The following SLC25A12 variants were observed in gnomAD, a reference collection of about 807,000 sequenced individuals.
The protein encoded by SLC25A12 is solute carrier family 25 member 12.
Under a neutral mutation model 83.3 loss-of-function variants are expected in SLC25A12, and 32 were observed. The ratio of observed to expected loss-of-function variants is 0.38; its 90% CI spans 0.29 to 0.52. SLC25A12 has a LOEUF of 0.52. Among genes scored for constraint, SLC25A12 ranks in the 20% least tolerant of loss-of-function variants. The pLI, the probability that SLC25A12 is intolerant of heterozygous loss-of-function variation, is 0.84. For synonymous variants in SLC25A12, 267 were observed against 291.1 expected, an observed-to-expected ratio of 0.92 and a Z score of 0.84; for missense variants, 611 against 835.6, an observed-to-expected ratio of 0.73 and a Z score of 3.31.
At chr2:171,791,919 A>T (rs923289226) in intron 14 of SLC25A12, among the ~76,000 whole-genome samples, 17 of 152,166 alleles carry the variant, frequency 1.1e-4, no homozygotes, top group African/African-American at 4.1e-4. Context: ...AAAATTAATT[A>T]ATCTCTTACT....
intron 4 of SLC25A12, chr2:171,852,647 G>T (rs1558931839): frequency 2.2e-6 from 1 of 454,372 alleles, no homozygotes; most frequent in Non-Finnish European, 4.4e-6. Flanking sequence ...TTATTAAGTG[G>T]TTACAAACAT....
At chr2:171,844,279 C>G (rs1684746222) in intron 5 of SLC25A12, 90 bp downstream of exon 5, 2 of 1,415,684 alleles carry the variant, frequency 1.4e-6, no homozygotes, top group Middle Eastern at 1.8e-4. Flanking sequence ...CCATGGAGAA[C>G]TTCTATTTTT....
In SLC25A12 at chr2:171,832,034, C is replaced by T. The variant is rs568039176; in HGVS notation, c.845+1929G>A. 1.4e-3 allele frequency among the ~76,000 whole-genome samples: 207 copies of T among 152,290 alleles called. 1 individual carries two copies. Among genetic ancestry groups the T allele is most frequent in the Non-Finnish European group, 2.4e-3 (161 of 68,022 alleles). On this transcript the variant is annotated intron_variant, in intron 8 of 17. Transcript: ENST00000422440. ...AAGAGCTACACCCTAGAGATTAACC[C>T]TTCACATGATCATGTAAGCTATGCA...
At chr2:171,852,569 A>G in intron 4 of SLC25A12, 1 of 411,310 alleles carries the variant, frequency 2.4e-6, no homozygotes, top group Non-Finnish European at 4.8e-6. Flanking sequence ...ATTTAACTCT[A>G]TTTAGAATGG....
intron 11 of SLC25A12, among the ~76,000 whole-genome samples, chr2:171,812,583 T>C (rs1427758945): frequency 6.6e-6 from 1 of 150,926 alleles, no homozygotes; most frequent in Non-Finnish European, 1.5e-5. Context: ...ATGAAAGTCA[T>C]TCTCTCTCCA....
At chr2:171,824,427 A>G (rs942247688) in intron 9 of SLC25A12, among the ~76,000 whole-genome samples, 1 of 152,214 alleles carries the variant, frequency 6.6e-6, no homozygotes, top group African/African-American at 2.4e-5. Flanking sequence ...AAAACTGAGG[A>G]GGAGAAATGA....
At chr2:171,891,391 A>G (rs1685934343) in intron 2 of SLC25A12, among the ~76,000 whole-genome samples, 1 of 152,180 alleles carries the variant, frequency 6.6e-6, no homozygotes, top group African/African-American at 2.4e-5. Context: ...AAAAACAAAA[A>G]ACAAATCCAT....
chr2:171,797,599 G>C (rs1368680373), intron 13 of SLC25A12, among the ~76,000 whole-genome samples: 1 of 152,122 alleles, frequency 6.6e-6, no homozygotes, highest in Non-Finnish European at 1.5e-5. Flanking sequence ...CTTCTTTATA[G>C]ACTAAGTCTT....
At chr2:171,787,142 A>C (rs988954368) in intron 17 of SLC25A12, among the ~76,000 whole-genome samples, 13 of 152,176 alleles carry the variant, frequency 8.5e-5, no homozygotes, top group African/African-American at 3.1e-4. Context: ...TGGGCAACAC[A>C]GTGAGATCCC....
chr2:171,821,017 CTTTTTTTTTTT>C (rs869070730), intron 9 of SLC25A12, among the ~76,000 whole-genome samples: 7 of 48,594 alleles, frequency 1.4e-4, no homozygotes, highest in Non-Finnish European at 2.2e-4. Flanking sequence ...TATAAACATT[CTTTTTTTTTTT>C]TTTTTTTTTT....
At chr2:171,880,631 T>C (rs545385493) in intron 2 of SLC25A12, among the ~76,000 whole-genome samples, 1 of 152,290 alleles carries the variant, frequency 6.6e-6, no homozygotes, top group East Asian at 1.9e-4. Context: ...TGTGTGATGC[T>C]GAGGTTTGGG....
In SLC25A12 at chr2:171,793,683, G is replaced by A. The variant is rs1407766901; in HGVS notation, c.1390C>T (p.Pro464Ser). The change falls in exon 14 of 18, where the codon CCC becomes TCC. Residue 464 changes from proline (P) to serine (S), a missense_variant. By Grantham distance (74) the Pro-to-Ser change is moderately conservative (BLOSUM62 -1). Coordinates refer to ENST00000422440, the MANE Select transcript of SLC25A12 (RefSeq NM_003705.5). Reference protein sequence around the residue: ...LQVAGEITTGPRVSALNVLRD... With the variant: ...LQVAGEITTGSRVSALNVLRD... ...AGCACATTCAGGGCGCTGACTCTGG[G>A]TCCCGTGGTGATCTCTCCAGCTACT... The A allele has an allele frequency of 6.2e-7, 1 of 1,614,108 alleles. No homozygotes were observed. Among genetic ancestry groups the A allele is most frequent in the East Asian group, 2.2e-5 (1 of 44,886 alleles).
Position 171,868,656 on chromosome 2 carries a change from T to C in SLC25A12, c.209+25A>G, listed in dbSNP as rs766937380. ...ACAATATATTCCAGAACATTAGTTT[T>C]CAGAAAATGCATGAAGATACTTACC... On this transcript the variant is annotated intron_variant, in intron 3 of 17. Coordinates refer to ENST00000422440, the MANE Select transcript of SLC25A12 (RefSeq NM_003705.5). 5 of 1,610,806 alleles carry C rather than the reference T, an allele frequency of 3.1e-6. No homozygotes were observed. In the South Asian group the frequency reaches 5.5e-5, roughly 18 times the overall value.
intron 5 of SLC25A12, among the ~76,000 whole-genome samples, chr2:171,840,140 G>A (rs568222008): frequency 6.6e-6 from 1 of 152,224 alleles, no homozygotes; most frequent in Admixed American, 6.5e-5. Flanking sequence ...TTCCAGATTG[G>A]AGACTAGACA....
intron 5 of SLC25A12, among the ~76,000 whole-genome samples, chr2:171,841,235 A>T (rs1453160212): frequency 6.6e-6 from 1 of 152,182 alleles, no homozygotes; most frequent in Non-Finnish European, 1.5e-5. Flanking sequence ...GCCTGCCACC[A>T]CACCTGGCTA....
intron 15 of SLC25A12, 44 bp from the exon 16 acceptor site, chr2:171,787,991 A>G (rs2105832943): frequency 1.3e-6 from 2 of 1,597,608 alleles, no homozygotes; most frequent in Non-Finnish European, 1.7e-6. Context: ...AGTACCTTAT[A>G]AAAGATAGGA....
Position 171,884,045 on chromosome 2 carries a change from CT to C in SLC25A12, c.66+9159del, listed in dbSNP as rs752910386. Among the ~76,000 whole-genome samples, 686 of 136,342 alleles carry C rather than the reference CT, an allele frequency of 5.0e-3. 8 individuals carry two copies. The highest frequency in any genetic ancestry group is 0.013 in the African/African-American group (470 of 37,512). 89.4% of individuals were successfully genotyped at this position (136,342 alleles called of 152,430 possible). A position where few individuals can be genotyped will look rare whatever the true frequency, so the allele number is the denominator to read the frequency against. ...CTGGCTAATTTCTTTTCTTTTTTAT[CT>C]TTTTTTTTTTTTTTGTAGAGACAGA... On this transcript the variant is annotated intron_variant, in intron 2 of 17. Coordinates refer to ENST00000422440, the MANE Select transcript of SLC25A12 (RefSeq NM_003705.5).
At chr2:171,850,337 G>GTTTTT (rs55922545) in intron 4 of SLC25A12, among the ~76,000 whole-genome samples, 1 of 56,162 alleles carries the variant, frequency 1.8e-5, no homozygotes, top group African/African-American at 7.0e-5. Flanking sequence ...GCTGGTCTTT[G>GTTTTT]TTTTTTTTTT....
At chr2:171,864,707 G>A (rs970466307) in intron 3 of SLC25A12, among the ~76,000 whole-genome samples, 1 of 152,052 alleles carries the variant, frequency 6.6e-6, no homozygotes, top group African/African-American at 2.4e-5. Context: ...TACTCATCCT[G>A]CCAGATTTCA....
Sources: gnomAD v4.1 joint callset for allele counts (sites outside exome capture counted in the v4.1 genomes callset) on GRCh38, gnomAD v4.1.1 for gene constraint, MANE v1.5 for transcripts, NCBI Gene and HGNC (gene_info 2026-07-23, HGNC 2026-07-21) for gene names.